ADAM23: variants seen among roughly 807,000 people sequenced by gnomAD.
ADAM23 encodes disintegrin and metalloproteinase domain-containing protein 23.
Under a neutral mutation model 120.1 loss-of-function variants are expected in ADAM23, and 33 were observed. That is an observed-to-expected ratio of 0.27 (90% confidence interval 0.21 to 0.37). ADAM23 has a LOEUF of 0.37. Among genes scored for constraint, ADAM23 ranks in the 10% least tolerant of loss-of-function variants. The probability of loss-of-function intolerance (pLI) is 1.00; values close to 1 mark genes in which losing one functional copy is unlikely to be tolerated. For synonymous variants in ADAM23, 367 were observed against 375.2 expected (o/e 0.98, Z 0.25); for missense variants, 862 against 1,058.2 (o/e 0.81, Z 2.57).
rs1475736502 is a variant in ADAM23, at chr2:206,559,976, ACCAGGGTTGT to A, written c.1030_1039del (p.Arg344TrpfsTer4). ...TCAGATTTACAAGGAGCAGCTCAAC[ACCAGGGTTGT>A]CCTGGTGGCTGTAGAGACCTGGACT... is the stretch of plus-strand genomic sequence containing the variant. On this transcript the variant is annotated frameshift_variant, in exon 11 of 26. Coordinates refer to ENST00000264377, the MANE Select transcript of ADAM23 (RefSeq NM_003812.4). LOFTEE classifies it high-confidence loss of function. 1 of 1,613,854 alleles carries A rather than the reference ACCAGGGTTGT, an allele frequency of 6.2e-7. No homozygotes were observed. Among genetic ancestry groups the A allele is most frequent in the South Asian group, 1.1e-5 (1 of 91,048 alleles).
At chr2:206,460,082 GA>G (rs1438969043) in intron 2 of ADAM23, among the ~76,000 whole-genome samples, 1 of 150,192 alleles carries the variant, frequency 6.7e-6, no homozygotes, top group African/African-American at 2.4e-5. Context: ...AACCTCCAGG[GA>G]TTTCCCATCT....
chr2:206,460,958 G>A (rs1695404874), intron 2 of ADAM23, among the ~76,000 whole-genome samples: 1 of 151,864 alleles, frequency 6.6e-6, no homozygotes, highest in Admixed American at 6.6e-5. Context: ...TTTGCATGTG[G>A]ATGTCTAGTT....
intron 3 of ADAM23, among the ~76,000 whole-genome samples, chr2:206,523,139 A>G (rs1043883825): frequency 3.3e-5 from 5 of 152,064 alleles, no homozygotes; most frequent in Non-Finnish European, 5.9e-5. Context: ...CCACTCTACA[A>G]TTAGCTTGCA....
chr2:206,522,732 G>T (rs1696868427), intron 3 of ADAM23, among the ~76,000 whole-genome samples: 2 of 151,860 alleles, frequency 1.3e-5, no homozygotes, highest in South Asian at 4.1e-4. Context: ...GTTCATCATA[G>T]CATTTCAGTG....
At chr2:206,605,566 T>C (rs1698712561) in intron 24 of ADAM23, among the ~76,000 whole-genome samples, 1 of 152,230 alleles carries the variant, frequency 6.6e-6, no homozygotes, top group African/African-American at 2.4e-5. Flanking sequence ...ACGTATAAGA[T>C]AATTATGTTT....
At chr2:206,507,753 G>C (rs1019484609) in intron 3 of ADAM23, among the ~76,000 whole-genome samples, 4 of 152,140 alleles carry the variant, frequency 2.6e-5, no homozygotes, top group African/African-American at 9.7e-5. Flanking sequence ...TAATACTTTT[G>C]TTTGGTCTCA....
intron 3 of ADAM23, among the ~76,000 whole-genome samples, chr2:206,504,906 G>A (rs1028251527): frequency 1.3e-5 from 2 of 152,158 alleles, no homozygotes; most frequent in Non-Finnish European, 2.9e-5. Context: ...TGTACCGTCT[G>A]TACCTAAATA....
At chr2:206,497,866 A>C (rs569567124) in intron 3 of ADAM23, among the ~76,000 whole-genome samples, 2 of 152,104 alleles carry the variant, frequency 1.3e-5, no homozygotes, top group African/African-American at 2.4e-5. Context: ...ATAACAGACA[A>C]ACAGAGAGCC....
At position 206,459,687 on chromosome 2, in the gene ADAM23, C is replaced by T. The variant is rs1198050700; in HGVS notation, c.432+14163C>T. 3.3e-5 allele frequency among the ~76,000 whole-genome samples: 5 copies of T among 152,156 alleles called. No homozygotes were observed. In the East Asian group the frequency reaches 9.6e-4, roughly 29 times the overall value. On this transcript the variant is annotated intron_variant, in intron 2 of 25. Coordinates refer to ENST00000264377, the MANE Select transcript of ADAM23 (RefSeq NM_003812.4). Reference sequence around the variant, plus strand: ...CTCCACTTGGATGTCTTATAGGCAACTCAAGCTTAACATACCCAAAATGGA... The same window carrying T: ...CTCCACTTGGATGTCTTATAGGCAATTCAAGCTTAACATACCCAAAATGGA...
In ADAM23 at chr2:206,443,878, C is replaced by T. The variant is rs1421281374; in HGVS notation, c.12C>T (p.Pro4=). The change falls in exon 1 of 26, where the codon CCC becomes CCT. Residue 4 remains proline, a synonymous_variant. Coordinates refer to ENST00000264377, the MANE Select transcript of ADAM23 (RefSeq NM_003812.4). The part of the protein sequence containing the change: MKP[P]GSSSRQPPLA... Reference sequence around the variant, plus strand: ...GGGAGCTATGAGCCATGAAGCCGCCCGGCAGCAGCTCGCGGCAGCCGCCCC... The same window carrying T: ...GGGAGCTATGAGCCATGAAGCCGCCTGGCAGCAGCTCGCGGCAGCCGCCCC... 2 of 1,149,626 alleles carry T rather than the reference C, an allele frequency of 1.7e-6. No homozygotes were observed. Among genetic ancestry groups the T allele is most frequent in the Admixed American group, 4.8e-5 (1 of 21,032 alleles). The allele number at this position is 1,149,626 out of a possible 1,614,324, so 71.2% of individuals were successfully genotyped here. A position where few individuals can be genotyped will look rare whatever the true frequency, so the allele number is the denominator to read the frequency against.
intron 3 of ADAM23, among the ~76,000 whole-genome samples, chr2:206,529,674 G>A (rs762866958): frequency 5.9e-5 from 9 of 152,174 alleles, no homozygotes; most frequent in Non-Finnish European, 1.2e-4. Flanking sequence ...GAGATTACAA[G>A]TGTGAGCCAC....
intron 3 of ADAM23, among the ~76,000 whole-genome samples, chr2:206,505,783 A>G (rs1184108342): frequency 6.6e-6 from 1 of 152,196 alleles, no homozygotes; most frequent in South Asian, 2.1e-4. Flanking sequence ...TTTGCAGATG[A>G]TGAAACTGAG....
intron 4 of ADAM23, among the ~76,000 whole-genome samples, chr2:206,537,460 T>A (rs888502348): frequency 4.6e-5 from 7 of 151,904 alleles, no homozygotes; most frequent in African/African-American, 7.3e-5. Flanking sequence ...TCAGTCAGAG[T>A]CTGGCCGAGG....
At chr2:206,518,472 A>G (rs1026466814) in intron 3 of ADAM23, among the ~76,000 whole-genome samples, 1 of 152,054 alleles carries the variant, frequency 6.6e-6, no homozygotes. Context: ...TTTTCAGTAT[A>G]TTTATTTTTT....
chr2:206,546,281 A>C (rs1697394554), intron 6 of ADAM23, among the ~76,000 whole-genome samples: 1 of 152,218 alleles, frequency 6.6e-6, no homozygotes, highest in South Asian at 2.1e-4. Flanking sequence ...TGTTAATTTC[A>C]TTACTATCTT....
intron 3 of ADAM23, among the ~76,000 whole-genome samples, chr2:206,517,504 A>G (rs1696759457): frequency 6.6e-6 from 1 of 151,992 alleles, no homozygotes; most frequent in Admixed American, 6.6e-5. Context: ...TATACCAAGA[A>G]CTGTGGATGC....
intron 4 of ADAM23, among the ~76,000 whole-genome samples, chr2:206,532,515 TTCTC>T (rs774866455): frequency 2.0e-5 from 3 of 152,148 alleles, no homozygotes; most frequent in African/African-American, 7.2e-5. Context: ...TTCACTGCTT[TTCTC>T]TCTTTCATGA....
intron 8 of ADAM23, among the ~76,000 whole-genome samples, chr2:206,548,882 G>A (rs1697454739): frequency 6.6e-6 from 1 of 152,066 alleles, no homozygotes; most frequent in Non-Finnish European, 1.5e-5. Flanking sequence ...CAATATAACA[G>A]TTTCTAAATA....
At chr2:206,446,276 T>A (rs940255361) in intron 2 of ADAM23, among the ~76,000 whole-genome samples, 2 of 152,234 alleles carry the variant, frequency 1.3e-5, no homozygotes, top group African/African-American at 4.8e-5. Context: ...TCTTTTTCCC[T>A]GTGTTACTAT....
Sources: allele counts gnomAD v4.1 joint callset (sites outside exome capture counted in the v4.1 genomes callset), GRCh38; gene constraint gnomAD v4.1.1; transcripts MANE v1.5; gene names NCBI Gene and HGNC (gene_info 2026-07-23, HGNC 2026-07-21).